Variants in IL20 observed in about 807,000 individuals in gnomAD.
The protein encoded by IL20 is interleukin 20, also known as interleukin-20.
In IL20, 22 loss-of-function variants were observed where a neutral mutation model predicts 19.2. The observed-to-expected ratio is 1.15, with a 90% CI of 0.82 to 1.64. IL20 has a LOEUF of 1.64. Ranked by LOEUF, IL20 falls within the 40% of genes most tolerant of loss-of-function variation. IL20 has a pLI of 0.00. For missense variants in IL20, 215 were observed against 212.8 expected (o/e 1.01, Z -0.06); for synonymous variants, 70 against 76.2 (o/e 0.92, Z 0.43).
chr1:206,865,484 GT>G (rs1677519212), upstream of IL20: 2 of 1,024,962 alleles, frequency 2.0e-6, no homozygotes, highest in Non-Finnish European at 2.3e-6. The surrounding 1 kb of genome is among the most constrained non-coding windows in gnomAD (Gnocchi z 4.1). Context: ...CCCAAAACAA[GT>G]TTTGACATTT....
chr1:206,868,214 T>C (rs1677614404), intron 5 of IL20, among the ~76,000 whole-genome samples: 1 of 152,034 alleles, frequency 6.6e-6, no homozygotes, highest in East Asian at 1.9e-4. Context: ...ATAGCTTGAT[T>C]ATTTTGATCT....
rs371312456 is a variant in IL20 at position 206,866,508 on chromosome 1, C to T, written c.250C>T (p.Arg84Cys). The change falls in exon 4 of 6, where the codon CGC becomes TGC. Residue 84 changes from arginine to cysteine, a missense_variant. By Grantham distance (180) the Arg-to-Cys change is radical (BLOSUM62 -3). Coordinates refer to ENST00000367098, the MANE Select transcript of IL20 (RefSeq NM_018724.4). Reference sequence around the variant, plus strand: ...GCCTGCGAATCGATGCTGCCTCCTGCGCCATTTGCTAAGACTCTATCTGGA... The same window carrying T: ...GCCTGCGAATCGATGCTGCCTCCTGTGCCATTTGCTAAGACTCTATCTGGA... ...TKPANRCCLL[R>C]HLLRLYLDRV... The T allele has an allele frequency of 1.2e-5, 20 of 1,614,136 alleles. No individual in the cohort carries two copies. The highest frequency in any genetic ancestry group is 3.3e-5 in the South Asian group (3 of 91,082).
In IL20 at chr1:206,866,629, G is replaced by A. The variant is rs369436616; in HGVS notation, c.371G>A (p.Arg124Gln). The change falls in exon 4 of 6, where the codon CGG becomes CAG. Residue 124 changes from arginine (R) to glutamine (Q), a missense_variant. Arg to Gln is a conservative substitution (Grantham distance 43). Coordinates refer to ENST00000367098, the MANE Select transcript of IL20 (RefSeq NM_018724.4). ...NSFLTIKKDL[R>Q]LCHAHMTCHC... ...TTTCTTACCATCAAGAAGGACCTCC[G>A]GCTCTGTGTGAGTGTGGGTCTTGGG... 4.5e-5 allele frequency: 72 copies of A among 1,613,820 alleles called. No individual in the cohort carries two copies. Among genetic ancestry groups the A allele is most frequent in the Non-Finnish European group, 5.3e-5 (63 of 1,179,962 alleles).
chr1:206,866,205 G>T (rs1677540292), intron 2 of IL20, 94 bp from the exon 3 acceptor site: 1 of 1,315,716 alleles, frequency 7.6e-7, no homozygotes, highest in Non-Finnish European at 1.1e-6. Context: ...CCTCCCACTA[G>T]TTCTTGGCAG....
intron 4 of IL20, 116 bp downstream of exon 4, chr1:206,866,752 C>G (rs1254238416): frequency 9.4e-7 from 1 of 1,060,340 alleles, no homozygotes; most frequent in Non-Finnish European, 1.4e-6. Context: ...TCCAAAAGTT[C>G]TAATAATCTG....
chr1:206,868,481 T>A lies in IL20; in HGVS notation c.454-6T>A. 1.9e-6 allele frequency: 3 copies of A among 1,587,984 alleles called. No homozygotes were observed. The highest frequency in any genetic ancestry group is 2.6e-6 in the Non-Finnish European group (3 of 1,166,536). The stretch of plus-strand genomic sequence containing the variant: ...TGCTAACCACATGGGTGTGTGTCTC[T>A]TTCAGCTGGAACCTCAGGCAGCAGT... On this transcript the variant is annotated splice_region_variant and splice_polypyrimidine_tract_variant and intron_variant, in intron 5 of 5. Coordinates refer to ENST00000367098, the MANE Select transcript of IL20 (RefSeq NM_018724.4).
At chr1:206,866,150 G>C in intron 2 of IL20, 139 bp downstream of exon 2, 1 of 1,146,742 alleles carries the variant, frequency 8.7e-7, no homozygotes, top group Non-Finnish European at 1.3e-6. Flanking sequence ...GTATTCCAAA[G>C]AAATAACTGT....
rs1677587319 is a variant in IL20, at chr1:206,867,459, G to A, written c.453+1G>A. The A allele has an allele frequency of 6.2e-7, 1 of 1,612,586 alleles. No individual in the cohort carries two copies. Among genetic ancestry groups the A allele is most frequent in the African/African-American group, 1.3e-5 (1 of 74,942 alleles). On this transcript the variant is annotated splice_donor_variant, in intron 5 of 5. Coordinates refer to ENST00000367098, the MANE Select transcript of IL20 (RefSeq NM_018724.4). LOFTEE classifies it high-confidence loss of function. ...CCAGATTCTGAGTCACTTTGAAAAGGTATATGCGACTTTGGCATTGATTGG... is the reference window on the plus strand; with the variant it reads ...CCAGATTCTGAGTCACTTTGAAAAGATATATGCGACTTTGGCATTGATTGG...
chr1:206,865,789 T>G lies in IL20; in HGVS notation c.-30-34T>G. 6.8e-7 allele frequency: 1 copy of G among 1,468,952 alleles called. No homozygotes were observed. The highest frequency in any genetic ancestry group is 9.2e-7 in the Non-Finnish European group (1 of 1,085,056). The allele number at this position is 1,468,952 out of a possible 1,614,324, so 91.0% of individuals were successfully genotyped here. ...CGTGGACACTTGGAGGAGGGGAAAC[T>G]CAGTAAGTCATGCTCTCTTCTTTGA... On this transcript the variant is annotated intron_variant, in intron 1 of 5. Coordinates refer to ENST00000367098, the MANE Select transcript of IL20 (RefSeq NM_018724.4). The surrounding 1 kb of genome is among the most constrained non-coding windows in gnomAD (Gnocchi z 4.1).
chr1:206,866,294 T>C lies in IL20; in HGVS notation c.160-5T>C. 6.2e-7 allele frequency: 1 copy of C among 1,614,002 alleles called. No individual in the cohort carries two copies. Among genetic ancestry groups the C allele is most frequent in the South Asian group, 1.1e-5 (1 of 91,070 alleles). On this transcript the variant is annotated splice_region_variant and splice_polypyrimidine_tract_variant and intron_variant, in intron 2 of 5. Transcript: ENST00000367098. Reference sequence around the variant, plus strand: ...TCCTTGCTTGTTTTGTCTTCTTCTGTTTAGCAAGCCAAAGATGGAAACATT... The same window carrying C: ...TCCTTGCTTGTTTTGTCTTCTTCTGCTTAGCAAGCCAAAGATGGAAACATT...
At chr1:206,865,509 A>G (rs1677519551), upstream of IL20, 1 of 1,050,488 alleles carries the variant, frequency 9.5e-7, no homozygotes. The surrounding 1 kb of genome is among the most constrained non-coding windows in gnomAD (Gnocchi z 4.1). Context: ...CTGAAATGTC[A>G]TTCTCTATCT....
rs1677525237 is a variant in IL20, at chr1:206,865,730, C to T, written c.-31+44C>T. 1.4e-6 allele frequency: 2 copies of T among 1,472,596 alleles called. No homozygotes were observed. Among genetic ancestry groups the T allele is most frequent in the South Asian group, 1.4e-5 (1 of 70,208 alleles). 91.2% of individuals were successfully genotyped at this position (1,472,596 alleles called of 1,614,324 possible). A position where few individuals can be genotyped will look rare whatever the true frequency, so the allele number is the denominator to read the frequency against. ...CCACACTGTCTGAGGCCAGATAAGG[C>T]TGTTCTCTTCCCCTGACCCCCCACC... On this transcript the variant is annotated intron_variant, in intron 1 of 5. Coordinates refer to ENST00000367098, the MANE Select transcript of IL20 (RefSeq NM_018724.4). This position sits in a 1 kb window ranked among gnomAD's most constrained non-coding sequence, Gnocchi z 4.1.
Position 206,868,648 on chromosome 1 carries a change from C to T in IL20, c.*84C>T, listed in dbSNP as rs750028673. The T allele has an allele frequency of 1.1e-6, 1 of 919,526 alleles. No individual in the cohort carries two copies. Among genetic ancestry groups the T allele is most frequent in the Non-Finnish European group, 1.6e-6 (1 of 621,606 alleles). 57.0% of individuals were successfully genotyped at this position (919,526 alleles called of 1,614,324 possible). A position where few individuals can be genotyped will look rare whatever the true frequency, so the allele number is the denominator to read the frequency against. The stretch of plus-strand genomic sequence containing the variant: ...CTGCAGAGGAGGCATGACCCCAAAC[C>T]ACCATCTCTTTACTGTACTAGTCTT... On this transcript the variant is annotated 3_prime_UTR_variant, in exon 6 of 6. Transcript: ENST00000367098.
rs1176765982 is a variant in IL20 at position 206,866,338 on chromosome 1, A to T, written c.199A>T (p.Arg67Trp). The T allele has an allele frequency of 1.2e-6, 2 of 1,614,100 alleles. No homozygotes were observed. The highest frequency in any genetic ancestry group is 3.3e-5 in the Admixed American group (2 of 60,020). The part of the protein sequence containing the change: ...DGNIDIRILR[R>W]TESLQDTKPA... Reference sequence around the variant, plus strand: ...AAACATTGACATCAGAATCTTAAGGAGGACTGAGTCTTTGCAAGACACAAA... The same window carrying T: ...AAACATTGACATCAGAATCTTAAGGTGGACTGAGTCTTTGCAAGACACAAA... The change falls in exon 3 of 6, where the codon AGG becomes TGG. Residue 67 changes from arginine (R) to tryptophan (W), a missense_variant. By Grantham distance (101) the Arg-to-Trp change is moderately radical (BLOSUM62 -3). Transcript: ENST00000367098.
chr1:206,864,398 T>C (rs961011273), upstream of IL20, among the ~76,000 whole-genome samples: 33 of 152,126 alleles, frequency 2.2e-4, no homozygotes, highest in Admixed American at 4.6e-4. Flanking sequence ...TATATATGGA[T>C]GTGTGCATAT....
In IL20 at chr1:206,865,634, C is replaced by A. The variant is rs1332477414; in HGVS notation, c.-83C>A. On this transcript the variant is annotated 5_prime_UTR_variant, in exon 1 of 6. The change creates a new upstream start codon in the 5' untranslated region. Transcript: ENST00000367098. This position sits in a 1 kb window ranked among gnomAD's most constrained non-coding sequence, Gnocchi z 4.1. Reference sequence around the variant, plus strand: ...TGTGCCACCAACTCGCACTCAGACTCTGAACTCAGACCTGAAATCTTCTCT... The same window carrying A: ...TGTGCCACCAACTCGCACTCAGACTATGAACTCAGACCTGAAATCTTCTCT... 1 of 1,355,812 alleles carries A rather than the reference C, an allele frequency of 7.4e-7. No individual in the cohort carries two copies. The highest frequency in any genetic ancestry group is 1.5e-5 in the African/African-American group (1 of 68,626). The allele number at this position is 1,355,812 out of a possible 1,614,324, so 84.0% of individuals were successfully genotyped here. A position where few individuals can be genotyped will look rare whatever the true frequency, so the allele number is the denominator to read the frequency against.
upstream of IL20, chr1:206,865,526 T>C: frequency 9.0e-7 from 1 of 1,109,622 alleles, no homozygotes; most frequent in Non-Finnish European, 1.1e-6. This position sits in a 1 kb window ranked among gnomAD's most constrained non-coding sequence, Gnocchi z 4.1. Flanking sequence ...ATCTATTCAC[T>C]GCAAGTGCCT....
intron 5 of IL20, among the ~76,000 whole-genome samples, chr1:206,868,003 C>T (rs1046202584): frequency 2.0e-5 from 3 of 152,124 alleles, no homozygotes; most frequent in Non-Finnish European, 4.4e-5. Flanking sequence ...ATTCACCACA[C>T]TACATTTTAG....
rs541672176 is a variant in IL20 at position 206,868,190 on chromosome 1, G to C, written c.454-297G>C. 8.0e-5 allele frequency among the ~76,000 whole-genome samples: 12 copies of C among 149,792 alleles called. No homozygotes were observed. The South Asian group carries it at 2.5e-3, about 32-fold the overall frequency. On this transcript the variant is annotated intron_variant, in intron 5 of 5. Coordinates refer to ENST00000367098, the MANE Select transcript of IL20 (RefSeq NM_018724.4). ...CACGTGCACACACACACACACACAC[G>C]TTTCTTAAAGAAAATAGCTTGATTA...
Sources: allele counts gnomAD v4.1 joint callset (sites outside exome capture counted in the v4.1 genomes callset), GRCh38; gene constraint gnomAD v4.1.1; non-coding constraint Gnocchi (gnomAD v3.1); transcripts MANE v1.5; gene names NCBI Gene and HGNC (gene_info 2026-07-23, HGNC 2026-07-21).